Variants in PCBP3 observed in about 807,000 individuals in gnomAD.
The protein encoded by PCBP3 is poly(rC) binding protein 3.
In PCBP3, 25 loss-of-function variants were observed where a neutral mutation model predicts 52.7. The ratio of observed to expected loss-of-function variants is 0.47; its 90% CI spans 0.35 to 0.66. The LOEUF (loss-of-function observed/expected upper bound fraction) is 0.66. Among genes scored for constraint, PCBP3 ranks in the 30% least tolerant of loss-of-function variants. The pLI, the probability that PCBP3 is intolerant of heterozygous loss-of-function variation, is 0.01. For synonymous variants in PCBP3, 162 were observed against 183.0 expected, an observed-to-expected ratio of 0.89 and a Z score of 0.93; for missense variants, 391 against 490.3, an observed-to-expected ratio of 0.80 and a Z score of 1.91.
At chr21:45,798,107 C>T (rs1412943872) in intron 4 of PCBP3, among the ~76,000 whole-genome samples, 3 of 131,746 alleles carry the variant, frequency 2.3e-5, no homozygotes, top group South Asian at 2.5e-4. Context: ...AGAGTGAATA[C>T]GTGGATGGAC....
intron 13 of PCBP3, 70 bp from the exon 14 acceptor site, chr21:45,929,847 C>T (rs181202809): frequency 2.6e-5 from 30 of 1,132,336 alleles, no homozygotes; most frequent in South Asian, 5.0e-5. Flanking sequence ...CTGTTACTGC[C>T]GTTTTAATTT....
intron 1 of PCBP3, among the ~76,000 whole-genome samples, chr21:45,665,665 A>C (rs1278569972): frequency 6.6e-6 from 1 of 152,206 alleles, no homozygotes; most frequent in Non-Finnish European, 1.5e-5. Flanking sequence ...GACCAAATGG[A>C]ATCACAGCTG....
At chr21:45,868,550 C>G (rs1424795379) in intron 5 of PCBP3, among the ~76,000 whole-genome samples, 2 of 151,968 alleles carry the variant, frequency 1.3e-5, no homozygotes, top group African/African-American at 4.8e-5. Flanking sequence ...GGCGTCTGGC[C>G]CGCGCATTGA....
At chr21:45,921,092 C>T (rs1436838714) in intron 13 of PCBP3, among the ~76,000 whole-genome samples, 1 of 152,044 alleles carries the variant, frequency 6.6e-6, no homozygotes, top group Non-Finnish European at 1.5e-5. Context: ...ATCACTTAAT[C>T]ATTAAACACA....
intron 4 of PCBP3, among the ~76,000 whole-genome samples, chr21:45,801,885 T>C (rs984265310): frequency 3.9e-5 from 6 of 152,148 alleles, no homozygotes; most frequent in African/African-American, 1.2e-4. Flanking sequence ...TTACTCCCCA[T>C]GATCTACTCA....
intron 2 of PCBP3, among the ~76,000 whole-genome samples, chr21:45,683,180 G>T (rs879442359): frequency 4.6e-5 from 7 of 152,204 alleles, no homozygotes; most frequent in African/African-American, 7.2e-5. Context: ...AATAAGATAG[G>T]ATTGAGACTT....
rs899456520 is a variant in PCBP3 at position 45,735,401 on chromosome 21, CAA to C, written c.-189_-188del. On this transcript the variant is annotated 5_prime_UTR_variant, in exon 3 of 18. Transcript: ENST00000681687. The surrounding 1 kb of genome is among the most constrained non-coding windows in gnomAD (Gnocchi z 4.0). Reference sequence around the variant, plus strand: ...CTTCAACTGTTTACAGGACTGTCTACAAGAGAGAAGCTCCCCACGTGGTTCCG... The same window carrying C: ...CTTCAACTGTTTACAGGACTGTCTACGAGAGAAGCTCCCCACGTGGTTCCG... 1.3e-5 allele frequency: 2 copies of C among 152,144 alleles called. No homozygotes were observed. The highest frequency in any genetic ancestry group is 1.3e-4 in the Admixed American group (2 of 15,280). The allele number at this position is 152,144 out of a possible 1,614,324, so 9.4% of individuals were successfully genotyped here. A position where few individuals can be genotyped will look rare whatever the true frequency, so the allele number is the denominator to read the frequency against.
intron 2 of PCBP3, among the ~76,000 whole-genome samples, chr21:45,679,327 G>A (rs1322493741): frequency 1.3e-5 from 2 of 151,922 alleles, no homozygotes; most frequent in Non-Finnish European, 2.9e-5. Flanking sequence ...CGCCATGTTG[G>A]CCAGGCTGGT....
intron 4 of PCBP3, among the ~76,000 whole-genome samples, chr21:45,816,395 T>TTA (rs78292825): frequency 0.18 from 26,098 of 148,456 alleles, 2,513 homozygotes; most frequent in Middle Eastern, 0.33. Context: ...AATATTTTCT[T>TTA]TGTTTTTATA....
chr21:45,695,067 G>A (rs1350747407), intron 2 of PCBP3, among the ~76,000 whole-genome samples: 1 of 152,204 alleles, frequency 6.6e-6, no homozygotes, highest in Non-Finnish European at 1.5e-5. Flanking sequence ...ATACTATCAA[G>A]CTATAGTAAT....
intron 5 of PCBP3, among the ~76,000 whole-genome samples, chr21:45,892,824 C>T (rs2095711158): frequency 6.6e-6 from 1 of 152,216 alleles, no homozygotes; most frequent in Non-Finnish European, 1.5e-5. Flanking sequence ...CTCCATCCAC[C>T]TGGGTCTCCC....
At chr21:45,747,994 C>T (rs1358145552) in intron 3 of PCBP3, 3 of 152,252 alleles carry the variant, frequency 2.0e-5, no homozygotes, top group African/African-American at 4.8e-5. Context: ...TGACTCATCC[C>T]TCCTCCGTGC....
At chr21:45,865,073 T>C (rs1254076273) in intron 5 of PCBP3, among the ~76,000 whole-genome samples, 1 of 152,244 alleles carries the variant, frequency 6.6e-6, no homozygotes, top group Non-Finnish European at 1.5e-5. Flanking sequence ...TTTTCTCTCA[T>C]TTCATTAAGA....
chr21:45,896,334 T>C lies in PCBP3; in HGVS notation c.137T>C (p.Leu46Pro). ...KVSEGGLNVT[L>P]TIRLLMHGKE... ...TCAGAAGGTGGCCTGAATGTGACCC[T>C]CACCATCCGCCTGCTGATGCATGGA... The change falls in exon 6 of 18, where the codon CTC (leucine) becomes CCC (proline). Residue 46 changes from leucine (L) to proline (P), a missense_variant. Coordinates refer to ENST00000681687, the MANE Select transcript of PCBP3 (RefSeq NM_001384156.1). 6.4e-7 allele frequency: 1 copy of C among 1,551,944 alleles called. No homozygotes were observed. Among genetic ancestry groups the C allele is most frequent in the Non-Finnish European group, 8.7e-7 (1 of 1,147,076 alleles).
rs1255175762 is a variant in PCBP3, at chr21:45,724,959, A to G, written c.-199-10433A>G. ...ATGAAAGTTACAGATAATAGCTCAAATAAACTGTTGTGAGCCGTTAAGTAT... is the reference window on the plus strand; with the variant it reads ...ATGAAAGTTACAGATAATAGCTCAAGTAAACTGTTGTGAGCCGTTAAGTAT... On this transcript the variant is annotated intron_variant, in intron 2 of 17. Coordinates refer to ENST00000681687, the MANE Select transcript of PCBP3 (RefSeq NM_001384156.1). The surrounding 1 kb of genome is among the most constrained non-coding windows in gnomAD (Gnocchi z 5.3). 2.0e-5 allele frequency among the ~76,000 whole-genome samples: 3 copies of G among 152,204 alleles called. No homozygotes were observed. The highest frequency in any genetic ancestry group is 4.4e-5 in the Non-Finnish European group (3 of 68,036).
At chr21:45,772,098 G>A (rs2089915474) in intron 4 of PCBP3, among the ~76,000 whole-genome samples, 1 of 152,162 alleles carries the variant, frequency 6.6e-6, no homozygotes, top group Non-Finnish European at 1.5e-5. Flanking sequence ...TCCATCACCT[G>A]AATACAATAT....
At chr21:45,794,406 A>AC (rs1362010279) in intron 4 of PCBP3, among the ~76,000 whole-genome samples, 6 of 152,104 alleles carry the variant, frequency 3.9e-5, no homozygotes, top group South Asian at 4.2e-4. Flanking sequence ...ACAGAATGAG[A>AC]CCCCACCTCT....
chr21:45,941,169 G>A (rs2077430369), intron 17 of PCBP3, among the ~76,000 whole-genome samples: 1 of 152,206 alleles, frequency 6.6e-6, no homozygotes. Flanking sequence ...AGGCCCATGG[G>A]CAGGAGGCTG....
chr21:45,820,519 G>A (rs897984927), intron 4 of PCBP3, among the ~76,000 whole-genome samples: 6 of 152,200 alleles, frequency 3.9e-5, no homozygotes, highest in African/African-American at 1.4e-4. Context: ...CGGGCCACAC[G>A]GTCTGCAGTG....
Sources: gnomAD v4.1 joint callset for allele counts (sites outside exome capture counted in the v4.1 genomes callset) on GRCh38, gnomAD v4.1.1 for gene constraint, Gnocchi (gnomAD v3.1) non-coding constraint, MANE v1.5 for transcripts, NCBI Gene and HGNC (gene_info 2026-07-23, HGNC 2026-07-21) for gene names.